Variants in CSMD2 observed in about 807,000 individuals in gnomAD.
CSMD2 encodes CUB and sushi domain-containing protein 2.
CSMD2 carries 130 observed loss-of-function variants against 398.5 expected under a neutral mutation model. That is an observed-to-expected ratio of 0.33 (90% CI 0.28 to 0.38). CSMD2 has a LOEUF of 0.38. CSMD2 is among the 10% of genes least tolerant of loss of function. The pLI, the probability that CSMD2 is intolerant of heterozygous loss-of-function variation, is 1.00. For missense variants in CSMD2, 3,829 were observed against 4,764.9 expected (o/e 0.80, Z 5.78); for synonymous variants, 1,828 against 1,908.5 (o/e 0.96, Z 1.10).
At chr1:33,630,912 T>A (rs774684969) in intron 32 of CSMD2, among the ~76,000 whole-genome samples, 109 of 152,220 alleles carry the variant, frequency 7.2e-4, no homozygotes, top group Non-Finnish European at 1.3e-3. Context: ...GCCAAAACTA[T>A]GCTTGGAGGT....
In CSMD2 at chr1:33,577,390, G is replaced by A. The variant is rs765627105; in HGVS notation, c.7482C>T (p.Asn2494=). 78 of 1,614,140 alleles carry A rather than the reference G, an allele frequency of 4.8e-5. 1 individual carries two copies. In the Middle Eastern group the frequency reaches 9.9e-4, roughly 20 times the overall value. ...TGTGTCCCACCAGGCGGTAGCCGGCGTTGCAGCCAAAGTGGATGGAGCCCC... is the reference window on the plus strand; with the variant it reads ...TGTGTCCCACCAGGCGGTAGCCGGCATTGCAGCCAAAGTGGATGGAGCCCC... ...QPGGSIHFGC[N]AGYRLVGHSM... Residue 2494 remains asparagine (N), a synonymous_variant, in exon 49 of 71, where the codon AAC becomes AAT. Transcript: ENST00000373381.
intron 10 of CSMD2, among the ~76,000 whole-genome samples, chr1:33,804,066 G>T (rs199647474): frequency 1.0e-3 from 152 of 152,280 alleles, no homozygotes; most frequent in East Asian, 6.9e-3. Flanking sequence ...CCATGATTCA[G>T]TTTCTTTATC....
intron 4 of CSMD2, among the ~76,000 whole-genome samples, chr1:33,934,389 T>C (rs900725267): frequency 2.0e-5 from 3 of 152,120 alleles, no homozygotes; most frequent in South Asian, 2.1e-4. Context: ...GATGCAAATA[T>C]TGAGGGCAAA....
At position 33,772,688 on chromosome 1, in the gene CSMD2, C is replaced by T. The variant is rs747186209; in HGVS notation, c.1727G>A (p.Arg576Gln). The change falls in exon 13 of 71, where the codon CGG (arginine) becomes CAG (glutamine). Residue 576 changes from arginine to glutamine, a missense_variant. This residue lies in a region of CSMD2 where 2,001 missense variants were observed against 2,567.1 expected (regional missense o/e 0.78). Coordinates refer to ENST00000373381, the MANE Select transcript of CSMD2 (RefSeq NM_001281956.2). The part of the protein sequence containing the change: ...IPAYGRREGS[R>Q]FHHGDTLKFE... Reference sequence around the variant, plus strand: ...CTTGAGTGTGTCACCGTGGTGAAACCGGGAGCCTTCCCTCCGGCCATATGC... The same window carrying T: ...CTTGAGTGTGTCACCGTGGTGAAACTGGGAGCCTTCCCTCCGGCCATATGC... 29 of 1,614,010 alleles carry T rather than the reference C, an allele frequency of 1.8e-5. No individual in the cohort carries two copies. The highest frequency in any genetic ancestry group is 1.7e-4 in the Admixed American group (10 of 60,008).
intron 3 of CSMD2, among the ~76,000 whole-genome samples, chr1:33,945,726 G>C (rs1003096407): frequency 2.0e-5 from 3 of 152,154 alleles, no homozygotes; most frequent in African/African-American, 7.2e-5. Flanking sequence ...CTTGGAGGAA[G>C]AGCATTAGGC....
At chr1:33,527,162 A>G (rs757738247) in intron 65 of CSMD2, 34 bp downstream of exon 65, 1 of 1,590,590 alleles carries the variant, frequency 6.3e-7, no homozygotes, top group South Asian at 1.1e-5. Flanking sequence ...AAGTAACACC[A>G]GTTTCTTGAG....
At chr1:33,830,491 C>T (rs1659409985) in intron 6 of CSMD2, among the ~76,000 whole-genome samples, 1 of 152,090 alleles carries the variant, frequency 6.6e-6, no homozygotes, top group Admixed American at 6.5e-5. Flanking sequence ...AAAGGACATC[C>T]ACACCAAAAA....
At chr1:34,111,256 C>T (rs114797099) in intron 1 of CSMD2, among the ~76,000 whole-genome samples, 5 of 152,302 alleles carry the variant, frequency 3.3e-5, no homozygotes, top group African/African-American at 9.6e-5. Context: ...TCCCTAAAGG[C>T]CTAGGAAACC....
chr1:33,595,447 C>T (rs116316061), intron 44 of CSMD2, among the ~76,000 whole-genome samples: 2,267 of 152,264 alleles, frequency 0.015, 63 homozygotes, highest in African/African-American at 0.05. Context: ...GTCTTCTCCA[C>T]TTCTTTTTCC....
At chr1:33,557,989 A>G (rs779039273) in intron 54 of CSMD2, 67 bp from the exon 55 acceptor site, 24 of 1,408,386 alleles carry the variant, frequency 1.7e-5, no homozygotes, top group Non-Finnish European at 2.3e-5. Context: ...GAGCAAAACT[A>G]GGCAATGAAG....
intron 13 of CSMD2, among the ~76,000 whole-genome samples, chr1:33,744,889 T>G (rs932973087): frequency 3.9e-5 from 6 of 152,184 alleles, no homozygotes; most frequent in African/African-American, 1.4e-4. Context: ...ACTGATATGA[T>G]CCTTTTTGAA....
intron 3 of CSMD2, among the ~76,000 whole-genome samples, chr1:33,997,123 C>G (rs1036857653): frequency 6.6e-6 from 1 of 152,190 alleles, no homozygotes; most frequent in Non-Finnish European, 1.5e-5. Context: ...AGGGCTCAGA[C>G]CTAGGCACCA....
intron 7 of CSMD2, among the ~76,000 whole-genome samples, chr1:33,824,028 T>A (rs1364143585): frequency 6.6e-6 from 1 of 152,078 alleles, no homozygotes; most frequent in Non-Finnish European, 1.5e-5. Context: ...CTGGCAACAC[T>A]CTTGGGAGGA....
chr1:33,860,708 T>A (rs1345535706), intron 5 of CSMD2: 1 of 152,250 alleles, frequency 6.6e-6, no homozygotes, highest in Non-Finnish European at 1.5e-5. Flanking sequence ...AGCTAGTAAA[T>A]GGCAAAGCTA....
At chr1:33,651,250 TGAG>T (rs1255292056) in intron 28 of CSMD2, among the ~76,000 whole-genome samples, 1 of 151,970 alleles carries the variant, frequency 6.6e-6, no homozygotes, top group East Asian at 1.9e-4. Context: ...AGGAAATACA[TGAG>T]GAGAGTGAAG....
At chr1:33,683,131 G>T (rs1644959987) in intron 25 of CSMD2, among the ~76,000 whole-genome samples, 1 of 152,184 alleles carries the variant, frequency 6.6e-6, no homozygotes, top group South Asian at 2.1e-4. Context: ...GGCAAATGCT[G>T]CTATTGTGGA....
intron 3 of CSMD2, among the ~76,000 whole-genome samples, chr1:34,001,668 C>G (rs1211302801): frequency 6.6e-6 from 1 of 152,140 alleles, no homozygotes; most frequent in Non-Finnish European, 1.5e-5. Context: ...AAATACAACA[C>G]TTGGAATGTA....
chr1:33,605,130 G>A, intron 42 of CSMD2, 152 bp downstream of exon 42: 1 of 744,522 alleles, frequency 1.3e-6, no homozygotes, highest in Non-Finnish European at 2.2e-6. Flanking sequence ...GAGAGGCTGG[G>A]CCACACCATG....
intron 32 of CSMD2, among the ~76,000 whole-genome samples, chr1:33,630,199 C>T (rs994845222): frequency 3.3e-5 from 5 of 152,018 alleles, no homozygotes; most frequent in African/African-American, 1.2e-4. Context: ...TAGCTCTTTA[C>T]TTGAAAATCC....
Sources: gnomAD v4.1 joint callset for allele counts (sites outside exome capture counted in the v4.1 genomes callset) on GRCh38, gnomAD v4.1.1 for gene constraint, gnomAD v4.1.1 regional missense constraint, MANE v1.5 for transcripts, NCBI Gene and HGNC (gene_info 2026-07-23, HGNC 2026-07-21) for gene names.